The following LNX1 variants were observed in gnomAD, a reference collection of about 807,000 sequenced individuals.
The protein encoded by LNX1 is ligand of numb-protein X 1.
In LNX1, 54 loss-of-function variants were observed where a neutral mutation model predicts 68.4. That is an observed-to-expected ratio of 0.79 (90% CI 0.63 to 0.99). The LOEUF is 0.99. Among genes scored for constraint, LNX1 ranks in the 50% least tolerant of loss-of-function variants. The probability of loss-of-function intolerance (pLI) is 0.00; values close to 1 mark genes in which losing one functional copy is unlikely to be tolerated. For synonymous variants in LNX1, 336 were observed against 350.0 expected, an observed-to-expected ratio of 0.96 and a Z score of 0.45; for missense variants, 906 against 926.4, an observed-to-expected ratio of 0.98 and a Z score of 0.29.
chr4:53,595,750 C>T (rs778414806), upstream of LNX1, among the ~76,000 whole-genome samples: 1 of 152,154 alleles, frequency 6.6e-6, no homozygotes, highest in South Asian at 2.1e-4. Context: ...CTTCAAAGCT[C>T]TTTTCTTGTA....
At chr4:53,641,399 T>C (rs1161095017) in intron 1 of LNX1, among the ~76,000 whole-genome samples, 1 of 152,016 alleles carries the variant, frequency 6.6e-6, no homozygotes, top group Non-Finnish European at 1.5e-5. Context: ...TTTTAATGAG[T>C]TTCTCACACT....
At chr4:53,571,194 A>C (rs933684684) in intron 2 of LNX1, among the ~76,000 whole-genome samples, 3 of 151,686 alleles carry the variant, frequency 2.0e-5, no homozygotes, top group African/African-American at 7.3e-5. Context: ...TAATTTTTAT[A>C]TTTTTAGTAG....
Position 53,575,735 on chromosome 4 carries a change from G to GCT in LNX1, c.-86-1649_-86-1648dup, listed in dbSNP as rs1453905639. On this transcript the variant is annotated intron_variant, in intron 1 of 10. Coordinates refer to ENST00000263925, the MANE Select transcript of LNX1 (RefSeq NM_001126328.3). ...AGCAGTGTCTGCTGTGGGGGCCACA[G>GCT]CTCTGTATTGCATCATCCTGGTGGT... is the stretch of plus-strand genomic sequence containing the variant. 4.0e-6 allele frequency: 6 copies of GCT among 1,511,622 alleles called. No individual in the cohort carries two copies. The Admixed American group carries it at 1.1e-4, about 27-fold the overall frequency. 93.6% of individuals were successfully genotyped at this position (1,511,622 alleles called of 1,614,324 possible). A position where few individuals can be genotyped will look rare whatever the true frequency, so the allele number is the denominator to read the frequency against.
chr4:53,469,968 G>A (rs1249109713), intron 9 of LNX1, among the ~76,000 whole-genome samples: 4 of 152,124 alleles, frequency 2.6e-5, no homozygotes, highest in Admixed American at 6.6e-5. Flanking sequence ...AGAAAAAGAG[G>A]GAATCCTCCC....
At chr4:53,643,213 C>T (rs797020483) in intron 1 of LNX1, among the ~76,000 whole-genome samples, 9 of 152,030 alleles carry the variant, frequency 5.9e-5, no homozygotes, top group Admixed American at 1.3e-4. Flanking sequence ...TGCAATGGCA[C>T]GATCATGGCT....
chr4:53,574,931 G>A (rs1205269685), intron 1 of LNX1, among the ~76,000 whole-genome samples: 1 of 152,058 alleles, frequency 6.6e-6, no homozygotes, highest in East Asian at 1.9e-4. Flanking sequence ...CTCCTATAAG[G>A]GGCCTTTAAG....
intron 2 of LNX1, among the ~76,000 whole-genome samples, chr4:53,547,137 C>T (rs4864469): frequency 0.044 from 6,649 of 152,164 alleles, 239 homozygotes; most frequent in African/African-American, 0.092. Context: ...TATTGTGAGG[C>T]GCACCATTAT....
chr4:53,596,050 G>A (rs907688130), upstream of LNX1, among the ~76,000 whole-genome samples: 17 of 151,966 alleles, frequency 1.1e-4, no homozygotes, highest in African/African-American at 4.1e-4. Flanking sequence ...CCATCATATT[G>A]GCCGTAATTA....
chr4:53,620,602 G>A (rs569477649), upstream of LNX1, among the ~76,000 whole-genome samples: 11 of 152,148 alleles, frequency 7.2e-5, no homozygotes, highest in Non-Finnish European at 1.6e-4. Context: ...TGGGTACAAC[G>A]TGCATTGCTC....
At chr4:53,558,689 A>T (rs17083033) in intron 2 of LNX1, among the ~76,000 whole-genome samples, 1,738 of 152,338 alleles carry the variant, frequency 0.011, 29 homozygotes, top group African/African-American at 0.039. Flanking sequence ...AGTTCTGTCC[A>T]AACAATGTAC....
chr4:53,598,933 A>C (rs1172175468), intron 2 of LNX1, among the ~76,000 whole-genome samples: 1 of 152,224 alleles, frequency 6.6e-6, no homozygotes, highest in African/African-American at 2.4e-5. Context: ...ACTTAGAGTC[A>C]ATAAGGAAGC....
At chr4:53,554,952 C>T (rs1395501701) in intron 2 of LNX1, among the ~76,000 whole-genome samples, 1 of 152,128 alleles carries the variant, frequency 6.6e-6, no homozygotes, top group Non-Finnish European at 1.5e-5. Flanking sequence ...TTAGTTCCAG[C>T]GTCTGAGCTG....
Position 53,466,916 on chromosome 4 carries a change from G to A in LNX1, c.1893-5323C>T, listed in dbSNP as rs139339008. Among the ~76,000 whole-genome samples the A allele has an allele frequency of 8.8e-3, 1,345 of 152,296 alleles. 22 individuals carry two copies. Among genetic ancestry groups the A allele is most frequent in the African/African-American group, 0.031 (1,268 of 41,558 alleles). ...CTTCTCTGTAGGCTCCATCTCTGGG[G>A]GCAGGGCACAGACAAACAAAAGGCA... On this transcript the variant is annotated intron_variant, in intron 9 of 10. Coordinates refer to ENST00000263925, the MANE Select transcript of LNX1 (RefSeq NM_001126328.3).
chr4:53,624,355 A>T (rs2109863871), intron 1 of LNX1, among the ~76,000 whole-genome samples: 1 of 152,214 alleles, frequency 6.6e-6, no homozygotes, highest in African/African-American at 2.4e-5. Flanking sequence ...GGTTGTGAAA[A>T]AGTCTCATGA....
intron 2 of LNX1, among the ~76,000 whole-genome samples, chr4:53,553,865 GC>G (rs1240491846): frequency 6.6e-6 from 1 of 152,122 alleles, no homozygotes; most frequent in East Asian, 1.9e-4. Flanking sequence ...AGAAGGAAAG[GC>G]CCTGGTATAA....
chr4:53,459,591 A>AAAG lies in LNX1; in HGVS notation c.*1313_*1315dup, dbSNP rs1721380816. 3.3e-6 allele frequency: 4 copies of AAAG among 1,200,444 alleles called. No individual in the cohort carries two copies. Among genetic ancestry groups the AAAG allele is most frequent in the Middle Eastern group, 4.8e-4 (2 of 4,130 alleles). 74.4% of individuals were successfully genotyped at this position (1,200,444 alleles called of 1,614,324 possible). ...AAAAGTTAACTTTTTTTCCAAAATA[A>AAAG]AAGAGTGAATTTTTCATGTTAAGTT... is the stretch of plus-strand genomic sequence containing the variant. On this transcript the variant is annotated 3_prime_UTR_variant, in exon 11 of 11. Coordinates refer to ENST00000263925, the MANE Select transcript of LNX1 (RefSeq NM_001126328.3).
At chr4:53,616,186 GTATC>G (rs1733672507) in intron 2 of LNX1, among the ~76,000 whole-genome samples, 2 of 152,096 alleles carry the variant, frequency 1.3e-5, no homozygotes, top group African/African-American at 4.8e-5. Flanking sequence ...TTTTAATTCA[GTATC>G]TATCTTTTTT....
At chr4:53,537,394 A>G (rs1259999530) in intron 2 of LNX1, among the ~76,000 whole-genome samples, 2 of 152,146 alleles carry the variant, frequency 1.3e-5, no homozygotes, top group Non-Finnish European at 2.9e-5. Flanking sequence ...CCCTCTGTCT[A>G]ATCTAGTTCA....
chr4:53,630,149 C>G (rs1734216438), intron 1 of LNX1, among the ~76,000 whole-genome samples: 1 of 151,864 alleles, frequency 6.6e-6, no homozygotes, highest in South Asian at 2.1e-4. Flanking sequence ...TTACCCTGTG[C>G]TAGAGAGTAT....
Sources: gnomAD v4.1 joint callset for allele counts (sites outside exome capture counted in the v4.1 genomes callset) on GRCh38, gnomAD v4.1.1 for gene constraint, MANE v1.5 for transcripts, NCBI Gene and HGNC (gene_info 2026-07-23, HGNC 2026-07-21) for gene names.